Variants in ADAMTS12 observed in about 807,000 individuals in gnomAD.
ADAMTS12 encodes ADAM metallopeptidase with thrombospondin type 1 motif 12, also known as A disintegrin and metalloproteinase with thrombospondin motifs 12.
ADAMTS12 carries 118 observed loss-of-function variants against 167.8 expected under a neutral mutation model. That is an observed-to-expected ratio of 0.70 (90% CI 0.61 to 0.82). ADAMTS12 has a LOEUF of 0.82. Ranked by LOEUF, ADAMTS12 falls within the 40% of genes least tolerant of loss-of-function variation. ADAMTS12 has a pLI of 0.00. For synonymous variants in ADAMTS12, 704 were observed against 716.9 expected, an observed-to-expected ratio of 0.98 and a Z score of 0.29; for missense variants, 1,916 against 1,998.8, an observed-to-expected ratio of 0.96 and a Z score of 0.79.
At position 33,576,681 on chromosome 5, in the gene ADAMTS12, C is replaced by T. The variant is rs776323691; in HGVS notation, c.3345G>A (p.Ser1115=). Residue 1115 remains serine (S), a synonymous_variant, in exon 19 of 24, where the codon TCG becomes TCA. Transcript: ENST00000504830. Reference sequence around the variant, plus strand: ...TTGTTGTAGCTACAAGGCCTCCCTCCGAGGTAGGACCAGTATCTGAACTGG... The same window carrying T: ...TTGTTGTAGCTACAAGGCCTCCCTCTGAGGTAGGACCAGTATCTGAACTGG... The part of the protein sequence containing the change: ...NVSSSDTGPT[S]EGGLVATTTS... 5.3e-5 allele frequency: 86 copies of T among 1,614,190 alleles called. No individual in the cohort carries two copies. In the South Asian group the frequency reaches 6.5e-4, roughly 12 times the overall value.
At chr5:33,650,176 A>G (rs769440242) in intron 7 of ADAMTS12, among the ~76,000 whole-genome samples, 3 of 152,218 alleles carry the variant, frequency 2.0e-5, no homozygotes, top group Admixed American at 6.5e-5. Flanking sequence ...TGAGGGATCA[A>G]TGTCTTTCTA....
In ADAMTS12 at chr5:33,767,682, G is replaced by A. The variant is rs149023675; in HGVS notation, c.490-16134C>T. Among the ~76,000 whole-genome samples, 546 of 152,222 alleles carry A rather than the reference G, an allele frequency of 3.6e-3. 5 individuals carry two copies. The highest frequency in any genetic ancestry group is 0.013 in the African/African-American group (529 of 41,526). Reference sequence around the variant, plus strand: ...TTTAAGAAATACATTCTGTTCCTAAGAGCCAGTCAAGAGTTTGTGCAATTA... The same window carrying A: ...TTTAAGAAATACATTCTGTTCCTAAAAGCCAGTCAAGAGTTTGTGCAATTA... On this transcript the variant is annotated intron_variant, in intron 2 of 23. Coordinates refer to ENST00000504830, the MANE Select transcript of ADAMTS12 (RefSeq NM_030955.4).
In ADAMTS12 at chr5:33,787,283, C is replaced by T. The variant is rs555555046; in HGVS notation, c.490-35735G>A. On this transcript the variant is annotated intron_variant, in intron 2 of 23. Coordinates refer to ENST00000504830, the MANE Select transcript of ADAMTS12 (RefSeq NM_030955.4). ...CTGATGTAAAGGCTAAAGCTTCCTACGGTTGTTAGAAGAAAGACAGGTTTG... is the reference window on the plus strand; with the variant it reads ...CTGATGTAAAGGCTAAAGCTTCCTATGGTTGTTAGAAGAAAGACAGGTTTG... Among the ~76,000 whole-genome samples the T allele has an allele frequency of 1.1e-3, 168 of 152,208 alleles. 2 individuals carry two copies. The South Asian group carries it at 0.012, about 11-fold the overall frequency.
Position 33,576,910 on chromosome 5 carries a change from T to C in ADAMTS12, c.3116A>G (p.Glu1039Gly). ...PRMLTTPTGPESMSTSTPAIS... is the reference protein window; with the variant it reads ...PRMLTTPTGPGSMSTSTPAIS... ...TGCTGGAGTGCTTGTGCTCATAGAC[T>C]CAGGCCCTGTGGGTGTGGTCAGCAT... The change falls in exon 19 of 24, where the codon GAG becomes GGG. Residue 1039 changes from glutamate (E) to glycine (G), a missense_variant. Physicochemically the swap from Glu to Gly is moderately conservative, Grantham distance 98 (BLOSUM62 -2). Transcript: ENST00000504830. 1.2e-6 allele frequency: 2 copies of C among 1,614,166 alleles called. No individual in the cohort carries two copies. The highest frequency in any genetic ancestry group is 1.7e-6 in the Non-Finnish European group (2 of 1,180,026).
chr5:33,770,341 C>T (rs1745691309), intron 2 of ADAMTS12, among the ~76,000 whole-genome samples: 3 of 152,046 alleles, frequency 2.0e-5, no homozygotes, highest in Admixed American at 2.0e-4. Flanking sequence ...TTGGGGAAAA[C>T]TCCATTTTTT....
chr5:33,562,957 T>G (rs1315184363), intron 19 of ADAMTS12, among the ~76,000 whole-genome samples: 1 of 152,194 alleles, frequency 6.6e-6, no homozygotes, highest in Non-Finnish European at 1.5e-5. Context: ...ATTTTATGTT[T>G]CATTTTGTGC....
intron 3 of ADAMTS12, among the ~76,000 whole-genome samples, chr5:33,689,979 G>C (rs1742493687): frequency 6.6e-6 from 1 of 152,212 alleles, no homozygotes; most frequent in Admixed American, 6.5e-5. Flanking sequence ...CACCATATCT[G>C]GGGTTCTTCC....
intron 22 of ADAMTS12, among the ~76,000 whole-genome samples, chr5:33,535,543 CT>C (rs1414561419): frequency 1.3e-5 from 2 of 152,124 alleles, no homozygotes; most frequent in African/African-American, 4.8e-5. Flanking sequence ...GAAGCATGTG[CT>C]TAGAGAGGAA....
rs751706016 is a variant in ADAMTS12, at chr5:33,615,860, T to G, written c.2356A>C (p.Thr786Pro). 3 of 1,614,052 alleles carry G rather than the reference T, an allele frequency of 1.9e-6. No individual in the cohort carries two copies. Among genetic ancestry groups the G allele is most frequent in the South Asian group, 1.1e-5 (1 of 91,086 alleles). ...CACACAGACTCATTGGTGGGACCTG[T>G]GGCCATCAGCTTTTCCAGGTCTCCT... ...RKGDLEKLMA[T>P]GPTNESVWIQ... Residue 786 changes from threonine (T) to proline (P), a missense_variant, in exon 15 of 24, where the codon ACA becomes CCA. Transcript: ENST00000504830.
intron 16 of ADAMTS12, among the ~76,000 whole-genome samples, chr5:33,604,699 A>G (rs11741435): frequency 0.58 from 88,023 of 151,698 alleles, 25,816 homozygotes; most frequent in East Asian, 0.82. Context: ...CCATGAGACA[A>G]CAGTTCTAAA....
At chr5:33,783,778 A>G (rs926063973) in intron 2 of ADAMTS12, among the ~76,000 whole-genome samples, 2 of 151,922 alleles carry the variant, frequency 1.3e-5, no homozygotes, top group African/African-American at 4.8e-5. Flanking sequence ...TTTATCCAAT[A>G]TTTAAGGAAA....
At chr5:33,832,821 C>T (rs1748352076) in intron 2 of ADAMTS12, among the ~76,000 whole-genome samples, 1 of 152,208 alleles carries the variant, frequency 6.6e-6, no homozygotes, top group South Asian at 2.1e-4. Context: ...CCCTCGGACT[C>T]TCACATATGC....
chr5:33,847,212 A>C (rs1029372150), intron 2 of ADAMTS12, among the ~76,000 whole-genome samples: 2 of 123,108 alleles, frequency 1.6e-5, no homozygotes, highest in Non-Finnish European at 3.6e-5. Flanking sequence ...TATCTCAGAG[A>C]TATGTGGATC....
intron 9 of ADAMTS12, 105 bp downstream of exon 9, chr5:33,648,717 T>A: frequency 7.2e-7 from 1 of 1,393,150 alleles, no homozygotes; most frequent in Non-Finnish European, 9.8e-7. Flanking sequence ...AAAGCTTCTA[T>A]TTCTGTGTCT....
intron 2 of ADAMTS12, among the ~76,000 whole-genome samples, chr5:33,829,081 T>G: frequency 6.6e-6 from 1 of 152,144 alleles, no homozygotes; most frequent in Non-Finnish European, 1.5e-5. Flanking sequence ...CATGGCCATC[T>G]TAAAACCTCT....
intron 7 of ADAMTS12, among the ~76,000 whole-genome samples, chr5:33,652,048 T>C (rs1182752552): frequency 6.6e-6 from 1 of 152,198 alleles, no homozygotes; most frequent in Non-Finnish European, 1.5e-5. Flanking sequence ...TGTTGGTTGA[T>C]TCCTGACTTT....
In ADAMTS12 at chr5:33,799,963, G is replaced by A. The variant is rs1746933632; in HGVS notation, c.490-48415C>T. Among the ~76,000 whole-genome samples, 3 of 152,328 alleles carry A rather than the reference G, an allele frequency of 2.0e-5. No individual in the cohort carries two copies. In the South Asian group the frequency reaches 6.2e-4, roughly 32 times the overall value. ...CCAGAGTATTTTCTGGGTTAGTGGG[G>A]AAGGGTGACCAACATTCTTGGAAAT... On this transcript the variant is annotated intron_variant, in intron 2 of 23. Transcript: ENST00000504830.
chr5:33,555,695 A>G (rs1745459199), intron 20 of ADAMTS12, among the ~76,000 whole-genome samples: 1 of 152,234 alleles, frequency 6.6e-6, no homozygotes. Context: ...AATTGAGACT[A>G]TTCAATATTA....
intron 11 of ADAMTS12, among the ~76,000 whole-genome samples, chr5:33,638,236 C>T (rs1740285962): frequency 6.6e-6 from 1 of 152,174 alleles, no homozygotes; most frequent in African/African-American, 2.4e-5. Context: ...AAATTCTTAT[C>T]TCCATTTCTA....
Sources: allele counts gnomAD v4.1 joint callset (sites outside exome capture counted in the v4.1 genomes callset), GRCh38; gene constraint gnomAD v4.1.1; transcripts MANE v1.5; gene names NCBI Gene and HGNC (gene_info 2026-07-23, HGNC 2026-07-21).